TAX1BP1: variants seen among roughly 807,000 people sequenced by gnomAD.
The protein encoded by TAX1BP1 is Tax1 binding protein 1.
Under a neutral mutation model 97.7 loss-of-function variants are expected in TAX1BP1, and 62 were observed. The ratio of observed to expected loss-of-function variants is 0.63; its 90% CI spans 0.52 to 0.78. TAX1BP1 has a LOEUF of 0.78. Among genes scored for constraint, TAX1BP1 ranks in the 30% least tolerant of loss-of-function variants. The probability of loss-of-function intolerance (pLI) is 0.00; values close to 1 mark genes in which losing one functional copy is unlikely to be tolerated. For missense variants in TAX1BP1, 867 were observed against 916.1 expected (o/e 0.95, Z 0.69); for synonymous variants, 340 against 304.2 (o/e 1.12, Z -1.23).
intron 1 of TAX1BP1, among the ~76,000 whole-genome samples, chr7:27,747,281 T>G (rs1583663416): frequency 6.6e-6 from 1 of 152,158 alleles, no homozygotes; most frequent in East Asian, 1.9e-4. Context: ...TTTGTTTCTG[T>G]TTTCTCAAAA....
At chr7:27,776,848 T>C (rs906960828) in intron 5 of TAX1BP1, among the ~76,000 whole-genome samples, 2 of 151,830 alleles carry the variant, frequency 1.3e-5, no homozygotes, top group African/African-American at 4.8e-5. Flanking sequence ...CTTTTCTCTC[T>C]GTTTCATTTT....
intron 3 of TAX1BP1, among the ~76,000 whole-genome samples, chr7:27,760,824 T>C (rs2128310165): frequency 6.6e-6 from 1 of 152,330 alleles, no homozygotes; most frequent in Admixed American, 6.5e-5. Context: ...TATAGTGATT[T>C]CCAAACTTAA....
chr7:27,785,363 A>G (rs1789438948), intron 6 of TAX1BP1, 36 bp from the exon 7 acceptor site: 1 of 1,594,594 alleles, frequency 6.3e-7, no homozygotes, highest in African/African-American at 1.4e-5. Context: ...TAAAACTTTA[A>G]AACATTATAA....
At position 27,789,602 on chromosome 7, in the gene TAX1BP1, A is replaced by G. The variant is rs181970413; in HGVS notation, c.1038+1999A>G. 1.6e-3 allele frequency among the ~76,000 whole-genome samples: 249 copies of G among 152,076 alleles called. 1 individual carries two copies. Among genetic ancestry groups the G allele is most frequent in the Non-Finnish European group, 2.6e-3 (176 of 67,838 alleles). On this transcript the variant is annotated intron_variant, in intron 8 of 16. Transcript: ENST00000396319. ...TTGCACCTTTTTCTCACTGAACAAAATAAGTTGCTAGTTACTCCATATCAG... is the reference window on the plus strand; with the variant it reads ...TTGCACCTTTTTCTCACTGAACAAAGTAAGTTGCTAGTTACTCCATATCAG...
At chr7:27,790,415 G>C (rs1015529387) in intron 8 of TAX1BP1, among the ~76,000 whole-genome samples, 1 of 147,878 alleles carries the variant, frequency 6.8e-6, no homozygotes, top group Non-Finnish European at 1.5e-5. Context: ...GGAATTACTG[G>C]GTCAATGAGT....
intron 3 of TAX1BP1, among the ~76,000 whole-genome samples, chr7:27,761,413 A>G (rs1788420707): frequency 6.6e-6 from 1 of 152,200 alleles, no homozygotes; most frequent in Admixed American, 6.5e-5. Context: ...GTATGAAGAC[A>G]TATACCTACT....
chr7:27,824,962 G>A (rs987469158), intron 15 of TAX1BP1, among the ~76,000 whole-genome samples: 3 of 152,150 alleles, frequency 2.0e-5, no homozygotes, highest in Non-Finnish European at 4.4e-5. Flanking sequence ...AAAATGTGCT[G>A]TTAAACCCTT....
rs377554359 is a variant in TAX1BP1 at position 27,758,003 on chromosome 7, A to C, written c.163-28A>C. ...CTAATATTAAACTATTTGCTTATAA[A>C]TCCGCCTTTTTTGTTATTTCCCTTT... On this transcript the variant is annotated intron_variant, in intron 2 of 16. Coordinates refer to ENST00000396319, the MANE Select transcript of TAX1BP1 (RefSeq NM_006024.7). 3.2e-4 allele frequency: 482 copies of C among 1,506,962 alleles called. 1 individual carries two copies. The Middle Eastern group carries it at 4.0e-3, about 12-fold the overall frequency. The allele number at this position is 1,506,962 out of a possible 1,614,324, so 93.3% of individuals were successfully genotyped here.
intron 3 of TAX1BP1, among the ~76,000 whole-genome samples, chr7:27,762,600 T>A (rs977226921): frequency 1.3e-5 from 2 of 152,184 alleles, no homozygotes; most frequent in African/African-American, 4.8e-5. Context: ...GGAGTAAGTT[T>A]AAAAGTGGTT....
At chr7:27,742,253 A>G (rs1787645169) in intron 1 of TAX1BP1, among the ~76,000 whole-genome samples, 2 of 152,256 alleles carry the variant, frequency 1.3e-5, no homozygotes, top group South Asian at 2.1e-4. Context: ...ACGAGGCCAT[A>G]TTTCAGACTA....
chr7:27,795,618 T>C (rs1199565532), intron 11 of TAX1BP1, among the ~76,000 whole-genome samples: 1 of 152,202 alleles, frequency 6.6e-6, no homozygotes, highest in Non-Finnish European at 1.5e-5. Flanking sequence ...AGTGGCGTGA[T>C]CTCAGCTCCC....
In TAX1BP1 at chr7:27,780,687, A is replaced by G. The variant is rs117653198; in HGVS notation, c.613-4476A>G. On this transcript the variant is annotated intron_variant, in intron 5 of 16. Transcript: ENST00000396319. ...CCAATTGTCATCAAGAAAAGATACAAAAGGCTTAATTTTAATACATGGGGT... is the reference window on the plus strand; with the variant it reads ...CCAATTGTCATCAAGAAAAGATACAGAAGGCTTAATTTTAATACATGGGGT... Among the ~76,000 whole-genome samples the G allele has an allele frequency of 4.6e-5, 7 of 152,300 alleles. No individual in the cohort carries two copies. The East Asian group carries it at 1.2e-3, about 25-fold the overall frequency.
At chr7:27,770,735 G>A (rs1011209389) in intron 5 of TAX1BP1, among the ~76,000 whole-genome samples, 6 of 152,084 alleles carry the variant, frequency 3.9e-5, no homozygotes, top group Admixed American at 3.9e-4. Context: ...TGTTATACAA[G>A]TAAGTCTTAA....
chr7:27,768,388 C>T (rs1202531572), intron 4 of TAX1BP1, among the ~76,000 whole-genome samples: 1 of 151,914 alleles, frequency 6.6e-6, no homozygotes, highest in African/African-American at 2.4e-5. Flanking sequence ...AGAAATGAGA[C>T]ATATACATTC....
At chr7:27,814,047 C>T (rs1049421768) in intron 13 of TAX1BP1, among the ~76,000 whole-genome samples, 11 of 150,670 alleles carry the variant, frequency 7.3e-5, no homozygotes, top group African/African-American at 2.4e-4. Context: ...CCGCCCGCCT[C>T]GGCCTCCCAA....
chr7:27,802,232 C>T (rs1286253047), intron 13 of TAX1BP1, among the ~76,000 whole-genome samples: 2 of 152,148 alleles, frequency 1.3e-5, no homozygotes, highest in East Asian at 3.8e-4. Flanking sequence ...GAGACCCAAT[C>T]ACAGCGAGTC....
chr7:27,746,646 C>T (rs2128306789), intron 1 of TAX1BP1, among the ~76,000 whole-genome samples: 1 of 152,162 alleles, frequency 6.6e-6, no homozygotes, highest in South Asian at 2.1e-4. Context: ...TAAGTCTTTC[C>T]ATGAAATATG....
At chr7:27,744,918 AAC>A (rs1787763280) in intron 1 of TAX1BP1, among the ~76,000 whole-genome samples, 1 of 152,224 alleles carries the variant, frequency 6.6e-6, no homozygotes, top group African/African-American at 2.4e-5. Flanking sequence ...TTTACAGCAT[AAC>A]ACACATAAAG....
intron 13 of TAX1BP1, among the ~76,000 whole-genome samples, chr7:27,806,370 GCCA>G (rs1297339029): frequency 2.0e-5 from 3 of 151,138 alleles, no homozygotes; most frequent in Admixed American, 6.6e-5. Flanking sequence ...ACAGGTGTGA[GCCA>G]CCATCAGTTT....
Sources: allele counts gnomAD v4.1 joint callset (sites outside exome capture counted in the v4.1 genomes callset), GRCh38; gene constraint gnomAD v4.1.1; transcripts MANE v1.5; gene names NCBI Gene and HGNC (gene_info 2026-07-23, HGNC 2026-07-21).